The following OR4N2 variants were observed in gnomAD, a reference collection of about 807,000 sequenced individuals.
OR4N2 encodes the protein olfactory receptor 4N2.
For synonymous variants in OR4N2, 141 were observed against 140.4 expected (o/e 1.00, Z -0.03); for missense variants, 307 against 377.6 (o/e 0.81, Z 1.55).
At chr14:19,806,802 G>A (rs1012258821) in intron 1 of OR4N2, among the ~76,000 whole-genome samples, 2 of 152,142 alleles carry the variant, frequency 1.3e-5, no homozygotes, top group Non-Finnish European at 2.9e-5. Context: ...TCAACCACAT[G>A]CTTGATCAGA....
intron 1 of OR4N2, among the ~76,000 whole-genome samples, chr14:19,807,629 G>A (rs1191689844): frequency 1.3e-5 from 2 of 152,046 alleles, no homozygotes; most frequent in African/African-American, 4.8e-5. Flanking sequence ...GGGCCAGATA[G>A]ATTCACAGCT....
chr14:19,822,643 G>C (rs2138478198), intron 1 of OR4N2, among the ~76,000 whole-genome samples: 1 of 152,332 alleles, frequency 6.6e-6, no homozygotes, highest in East Asian at 1.9e-4. Flanking sequence ...CATTATCCCA[G>C]GGGTTACTCA....
At chr14:19,811,303 G>C (rs1473659673) in intron 1 of OR4N2, among the ~76,000 whole-genome samples, 2 of 152,246 alleles carry the variant, frequency 1.3e-5, no homozygotes, top group Non-Finnish European at 2.9e-5. Flanking sequence ...CTGGAGTGCA[G>C]TGGTGCGATC....
chr14:19,827,851 G>C lies in OR4N2; in HGVS notation c.403G>C (p.Val135Leu), dbSNP rs17114261. 323,376 of 1,562,786 alleles carry C rather than the reference G, an allele frequency of 0.21. 14,629 individuals carry two copies. The highest frequency in any genetic ancestry group is 0.27 in the South Asian group (23,751 of 88,114). Residue 135 changes from valine to leucine, a missense_variant, in exon 2 of 2, where the codon GTC becomes CTC. Val to Leu is a conservative substitution (Grantham distance 32). Transcript: ENST00000557677. ...CTGCCGGCCTCTGCACTATCCTACTGTCATGAACCCTAGAACCTGCTATGC... is the reference window on the plus strand; with the variant it reads ...CTGCCGGCCTCTGCACTATCCTACTCTCATGAACCCTAGAACCTGCTATGC... ...AICRPLHYPT[V>L]MNPRTCYAMM...
intron 1 of OR4N2, among the ~76,000 whole-genome samples, chr14:19,823,955 G>C (rs936415170): frequency 3.3e-5 from 5 of 152,228 alleles, no homozygotes; most frequent in African/African-American, 1.2e-4. Context: ...ACACAGAGTT[G>C]CCTGGAGATG....
intron 1 of OR4N2, among the ~76,000 whole-genome samples, chr14:19,804,952 T>C (rs868519984): frequency 1.2e-4 from 19 of 152,372 alleles, no homozygotes; most frequent in Non-Finnish European, 1.8e-4. Flanking sequence ...TGTAATACCC[T>C]TCTTTGTCTT....
chr14:19,813,124 A>G (rs1879342518), intron 1 of OR4N2, among the ~76,000 whole-genome samples: 1 of 152,210 alleles, frequency 6.6e-6, no homozygotes, highest in African/African-American at 2.4e-5. Context: ...AAGATCCTGG[A>G]TTATATGCAC....
chr14:19,812,388 G>GGC (rs1879322673), intron 1 of OR4N2, among the ~76,000 whole-genome samples: 1 of 138,776 alleles, frequency 7.2e-6, no homozygotes, highest in Admixed American at 8.1e-5. Flanking sequence ...TCTCGACAGT[G>GGC]GCGCAATCTC....
intron 1 of OR4N2, among the ~76,000 whole-genome samples, chr14:19,804,648 T>C (rs1244802378): frequency 6.6e-6 from 1 of 152,272 alleles, no homozygotes. Context: ...ATGTGCCATA[T>C]GCAGATGAGA....
intron 1 of OR4N2, among the ~76,000 whole-genome samples, chr14:19,806,394 C>CAAA (rs1566461532): frequency 6.6e-6 from 1 of 151,854 alleles, no homozygotes. Context: ...GTCATGTAAA[C>CAAA]AAAAAACAAA....
At chr14:19,824,039 T>C (rs1051676790) in intron 1 of OR4N2, among the ~76,000 whole-genome samples, 5 of 152,350 alleles carry the variant, frequency 3.3e-5, no homozygotes, top group African/African-American at 9.6e-5. Context: ...TGTGTCATCA[T>C]GGCCAGAAAC....
chr14:19,821,866 A>G (rs1312379310), intron 1 of OR4N2: 1 of 152,274 alleles, frequency 6.6e-6, no homozygotes, highest in African/African-American at 2.4e-5. Context: ...GAGATTTTAA[A>G]ATCTAAGGTT....
chr14:19,808,879 G>A (rs189458617), intron 1 of OR4N2, among the ~76,000 whole-genome samples: 15 of 151,808 alleles, frequency 9.9e-5, no homozygotes, highest in African/African-American at 3.4e-4. Context: ...AAACTATAAG[G>A]CCACTGTAAC....
rs1169517405 is a variant in OR4N2 at position 19,827,648 on chromosome 14, C to T, written c.200C>T (p.Ala67Val). Residue 67 changes from alanine to valine, a missense_variant, in exon 2 of 2, where the codon GCC becomes GTC. Coordinates refer to ENST00000557677, the MANE Select transcript of OR4N2 (RefSeq NM_001004723.3). The part of the protein sequence containing the change: ...APLYFFLGNL[A>V]FLDASYSFIV... Reference sequence around the variant, plus strand: ...CTCTATTTCTTTCTGGGCAACTTGGCCTTCCTGGATGCATCCTACTCCTTC... The same window carrying T: ...CTCTATTTCTTTCTGGGCAACTTGGTCTTCCTGGATGCATCCTACTCCTTC... 8 of 1,614,108 alleles carry T rather than the reference C, an allele frequency of 5.0e-6. No individual in the cohort carries two copies. Among genetic ancestry groups the T allele is most frequent in the Non-Finnish European group, 5.9e-6 (7 of 1,179,966 alleles).
intron 1 of OR4N2, among the ~76,000 whole-genome samples, chr14:19,810,885 T>A (rs1291435500): frequency 1.3e-5 from 2 of 152,136 alleles, no homozygotes; most frequent in Non-Finnish European, 1.5e-5. Context: ...GAAGGGATAA[T>A]AAGGGAATAT....
intron 1 of OR4N2, among the ~76,000 whole-genome samples, chr14:19,824,970 G>T (rs1258212477): frequency 6.6e-6 from 1 of 152,244 alleles, no homozygotes; most frequent in Admixed American, 6.5e-5. Context: ...CATTGTTCAA[G>T]CGTCGACTGT....
At chr14:19,818,489 G>A (rs1879482553) in intron 1 of OR4N2, among the ~76,000 whole-genome samples, 1 of 152,164 alleles carries the variant, frequency 6.6e-6, no homozygotes, top group Non-Finnish European at 1.5e-5. Flanking sequence ...TTTTATCAGA[G>A]ACTAGGATTG....
intron 1 of OR4N2, among the ~76,000 whole-genome samples, chr14:19,826,340 TTA>T (rs879454583): frequency 6.6e-6 from 1 of 152,254 alleles, no homozygotes; most frequent in Non-Finnish European, 1.5e-5. Flanking sequence ...AATATTATTT[TTA>T]GTTATCCAAA....
At chr14:19,826,478 A>G (rs1298427245) in intron 1 of OR4N2, among the ~76,000 whole-genome samples, 1 of 152,274 alleles carries the variant, frequency 6.6e-6, no homozygotes, top group Non-Finnish European at 1.5e-5. Flanking sequence ...AACTCACTCT[A>G]AACTTAAGTA....
Sources: allele counts gnomAD v4.1 joint callset (sites outside exome capture counted in the v4.1 genomes callset), GRCh38; gene constraint gnomAD v4.1.1; transcripts MANE v1.5; gene names NCBI Gene and HGNC (gene_info 2026-07-23, HGNC 2026-07-21).